The following MYOF variants were observed in gnomAD, a reference collection of about 807,000 sequenced individuals.
MYOF encodes the protein myoferlin.
A neutral mutation model predicts 284.2 loss-of-function variants in MYOF; 244 were observed. The observed-to-expected ratio is 0.86, with a 90% CI of 0.77 to 0.95. The LOEUF (loss-of-function observed/expected upper bound fraction) is 0.95. MYOF is among the 40% of genes least tolerant of loss of function. MYOF has a pLI of 0.00. For missense variants in MYOF, 2,496 were observed against 2,560.6 expected (o/e 0.97, Z 0.54); for synonymous variants, 904 against 919.7 (o/e 0.98, Z 0.31).
chr10:93,349,677 G>T, intron 36 of MYOF, 131 bp downstream of exon 36: 1 of 1,076,760 alleles, frequency 9.3e-7, no homozygotes, highest in Non-Finnish European at 1.3e-6. Flanking sequence ...TCACTGACAA[G>T]CTGAATATAA....
chr10:93,458,222 C>T (rs2056790644), intron 1 of MYOF, among the ~76,000 whole-genome samples: 1 of 152,056 alleles, frequency 6.6e-6, no homozygotes, highest in Admixed American at 6.6e-5. Context: ...TGTGGTGGCA[C>T]ACACCTATAG....
intron 1 of MYOF, among the ~76,000 whole-genome samples, chr10:93,463,783 G>A (rs1214305892): frequency 1.3e-5 from 2 of 150,988 alleles, no homozygotes; most frequent in African/African-American, 4.9e-5. Context: ...GAGGTGGGAG[G>A]ATTGCTTGAG....
intron 3 of MYOF, among the ~76,000 whole-genome samples, chr10:93,439,317 A>T (rs952176836): frequency 6.6e-6 from 1 of 152,168 alleles, no homozygotes; most frequent in Non-Finnish European, 1.5e-5. Flanking sequence ...CATGGAGGAG[A>T]TGCTGAATAT....
At chr10:93,480,862 A>C (rs574156187) in intron 1 of MYOF, among the ~76,000 whole-genome samples, 1 of 152,206 alleles carries the variant, frequency 6.6e-6, no homozygotes, top group African/African-American at 2.4e-5. Context: ...GAAAAACGGG[A>C]AACAGAAAGG....
In MYOF at chr10:93,400,716, A is replaced by G. The variant is rs1289689889; in HGVS notation, c.1117+702T>C. Among the ~76,000 whole-genome samples the G allele has an allele frequency of 3.3e-5, 5 of 152,166 alleles. No individual in the cohort carries two copies. The East Asian group carries it at 9.6e-4, about 29-fold the overall frequency. On this transcript the variant is annotated intron_variant, in intron 12 of 53. Transcript: ENST00000359263. ...CTGGGCCATCAGCAGTGACAGAGGG[A>G]TAACCACACTAGTTCCTATAAATGG... is the stretch of plus-strand genomic sequence containing the variant.
In MYOF at chr10:93,396,213, G is replaced by A. The variant is rs192210781; in HGVS notation, c.1346C>T (p.Thr449Ile). 5.1e-5 allele frequency: 81 copies of A among 1,597,820 alleles called. 1 individual carries two copies. In the East Asian group the frequency reaches 1.3e-3, roughly 25 times the overall value. ...TGTTGTTCCAACTACATCATTTTTA[G>A]TAAGACGGTCCCTGTGTAAAAAATA... ...KLTIYDWDRLTKNDVVGTTYL... is the reference protein window; with the variant it reads ...KLTIYDWDRLIKNDVVGTTYL... Residue 449 changes from threonine (T) to isoleucine (I), a missense_variant, in exon 16 of 54, where the codon ACT becomes ATT. This residue lies in a region of MYOF where 2,436 missense variants were observed against 2,480.7 expected (regional missense o/e 0.98). Coordinates refer to ENST00000359263, the MANE Select transcript of MYOF (RefSeq NM_013451.4).
intron 1 of MYOF, among the ~76,000 whole-genome samples, chr10:93,468,738 T>A (rs2057067972): frequency 6.6e-6 from 1 of 152,204 alleles, no homozygotes; most frequent in Non-Finnish European, 1.5e-5. Context: ...CTCCTTCCTA[T>A]GCTGTGCATG....
chr10:93,307,357 G>A (rs957282866), intron 53 of MYOF, among the ~76,000 whole-genome samples: 9 of 151,932 alleles, frequency 5.9e-5, no homozygotes, highest in African/African-American at 1.2e-4. Context: ...GTGCAGTGGC[G>A]CGATCTCGGC....
intron 48 of MYOF, among the ~76,000 whole-genome samples, chr10:93,320,939 G>A (rs138861397): frequency 4.6e-5 from 7 of 152,200 alleles, no homozygotes; most frequent in East Asian, 3.9e-4. Context: ...GCCTCATCTC[G>A]CATCTGTAAA....
intron 5 of MYOF, among the ~76,000 whole-genome samples, chr10:93,415,348 A>G (rs1426038808): frequency 6.6e-6 from 1 of 152,078 alleles, no homozygotes; most frequent in Non-Finnish European, 1.5e-5. Flanking sequence ...GACTGATCTC[A>G]CTTTAATTTC....
intron 16 of MYOF, among the ~76,000 whole-genome samples, chr10:93,394,448 C>CTCTTTTTTTTTTTTTT (rs1846871495): frequency 2.8e-4 from 8 of 28,698 alleles, no homozygotes; most frequent in Non-Finnish European, 2.6e-4. Context: ...ACCATCTTGT[C>CTCTTTTTTTTTTTTTT]TTTTTTTTTT....
intron 40 of MYOF, among the ~76,000 whole-genome samples, chr10:93,336,879 AAG>A (rs1215605899): frequency 3.4e-5 from 3 of 87,246 alleles, no homozygotes; most frequent in African/African-American, 9.3e-5. Flanking sequence ...AAAGGAAGGA[AAG>A]AGAAGAAAGG....
chr10:93,349,512 T>A lies in MYOF; in HGVS notation c.4083+296A>T, dbSNP rs1844402137. On this transcript the variant is annotated intron_variant, in intron 36 of 53. Transcript: ENST00000359263. ...ACTGGGGGTTAATATTCTGCCTTCA[T>A]GGGGTTGACCAACAGCTTGTAATAG... is the stretch of plus-strand genomic sequence containing the variant. Among the ~76,000 whole-genome samples, 4 of 152,230 alleles carry A rather than the reference T, an allele frequency of 2.6e-5. No homozygotes were observed. The South Asian group carries it at 8.3e-4, about 32-fold the overall frequency.
rs752144489 is a variant in MYOF, at chr10:93,342,016, T to C, written c.4326+1840A>G. On this transcript the variant is annotated intron_variant, in intron 38 of 53. Coordinates refer to ENST00000359263, the MANE Select transcript of MYOF (RefSeq NM_013451.4). ...TGAGATGGCCATGTACACATGTCCA[T>C]GTTATCTGGCTAGCACTTGACCAAT... The C allele has an allele frequency of 3.2e-6, 4 of 1,247,552 alleles. No individual in the cohort carries two copies. In the South Asian group the frequency reaches 5.0e-5, roughly 16 times the overall value. The allele number at this position is 1,247,552 out of a possible 1,614,324, so 77.3% of individuals were successfully genotyped here.
At chr10:93,388,517 A>G (rs77553191) in intron 18 of MYOF, among the ~76,000 whole-genome samples, 4 of 152,224 alleles carry the variant, frequency 2.6e-5, no homozygotes, top group Admixed American at 2.6e-4. Flanking sequence ...CCCCACCTCC[A>G]CAGCCAGTCT....
chr10:93,359,169 C>T (rs924297759), intron 29 of MYOF, among the ~76,000 whole-genome samples: 2 of 152,132 alleles, frequency 1.3e-5, no homozygotes, highest in Non-Finnish European at 2.9e-5. Context: ...GGTTCCAGCA[C>T]CAGCTTTGTC....
chr10:93,306,960 T>G lies in MYOF; in HGVS notation c.*3A>C. 1.2e-6 allele frequency: 2 copies of G among 1,612,838 alleles called. No homozygotes were observed. The highest frequency in any genetic ancestry group is 1.7e-6 in the Non-Finnish European group (2 of 1,179,242). ...GACTCTTGAAATGAAGCCTTTGCCTTTGTTACACATTTGGCTTTACAATCT... is the reference window on the plus strand; with the variant it reads ...GACTCTTGAAATGAAGCCTTTGCCTGTGTTACACATTTGGCTTTACAATCT... On this transcript the variant is annotated 3_prime_UTR_variant, in exon 54 of 54. Coordinates refer to ENST00000359263, the MANE Select transcript of MYOF (RefSeq NM_013451.4).
At chr10:93,431,098 G>A (rs773424569) in intron 4 of MYOF, among the ~76,000 whole-genome samples, 4 of 144,236 alleles carry the variant, frequency 2.8e-5, no homozygotes, top group Admixed American at 7.4e-5. Context: ...GCATGATCTC[G>A]GCTCACTACA....
At chr10:93,367,891 A>G (rs938273306) in intron 25 of MYOF, among the ~76,000 whole-genome samples, 3 of 152,158 alleles carry the variant, frequency 2.0e-5, no homozygotes, top group Non-Finnish European at 4.4e-5. Context: ...TAAAATTTCC[A>G]TTATTATTAA....
Sources: allele counts gnomAD v4.1 joint callset (sites outside exome capture counted in the v4.1 genomes callset), GRCh38; gene constraint gnomAD v4.1.1; regional missense constraint gnomAD v4.1.1; transcripts MANE v1.5; gene names NCBI Gene and HGNC (gene_info 2026-07-23, HGNC 2026-07-21).